Variants in ZDHHC11B observed in about 807,000 individuals in gnomAD.
ZDHHC11B encodes zDHHC palmitoyltransferase 11B (putative), also known as probable palmitoyltransferase ZDHHC11B.
ZDHHC11B carries 17 observed loss-of-function variants against 42.3 expected under a neutral mutation model. The ratio of observed to expected loss-of-function variants is 0.40; its 90% confidence interval spans 0.27 to 0.60. The LOEUF (loss-of-function observed/expected upper bound fraction) is 0.60, where lower values mean the gene tolerates loss of function less well. Ranked by LOEUF, ZDHHC11B falls within the 20% of genes least tolerant of loss-of-function variation. ZDHHC11B has a pLI of 0.41. For synonymous variants in ZDHHC11B, 123 were observed against 193.5 expected (o/e 0.64, Z 3.02); for missense variants, 262 against 463.2 (o/e 0.57, Z 3.99).
chr5:783,863 C>T (rs1431390334), intron 1 of ZDHHC11B, among the ~76,000 whole-genome samples: 2 of 140,230 alleles, frequency 1.4e-5, no homozygotes, highest in Non-Finnish European at 3.1e-5. Context: ...GCCCCCCAAG[C>T]CCCATCAAGA....
At chr5:763,041 G>A (rs1734822395) in intron 4 of ZDHHC11B, among the ~76,000 whole-genome samples, 1 of 151,802 alleles carries the variant, frequency 6.6e-6, no homozygotes, top group African/African-American at 2.4e-5. Context: ...CAAGAAATAT[G>A]ACAAATTACA....
chr5:758,768 T>C (rs1391125206), intron 4 of ZDHHC11B, among the ~76,000 whole-genome samples: 2 of 151,882 alleles, frequency 1.3e-5, no homozygotes, highest in Non-Finnish European at 2.9e-5. Flanking sequence ...AAGCAAATCT[T>C]TCACCGCACA....
At chr5:725,055 C>G (rs1286850182) in intron 12 of ZDHHC11B, among the ~76,000 whole-genome samples, 5 of 150,874 alleles carry the variant, frequency 3.3e-5, no homozygotes, top group Admixed American at 2.7e-4. Flanking sequence ...AGTCCTAACC[C>G]CAGCGTTGTG....
At chr5:765,958 A>C (rs1735266393) in intron 4 of ZDHHC11B, among the ~76,000 whole-genome samples, 1 of 151,906 alleles carries the variant, frequency 6.6e-6, no homozygotes, top group Non-Finnish European at 1.5e-5. Context: ...AACACATCCT[A>C]CTTTCAGAAA....
intron 1 of ZDHHC11B, among the ~76,000 whole-genome samples, chr5:777,708 AG>A (rs1736643656): frequency 6.6e-6 from 1 of 150,676 alleles, no homozygotes; most frequent in Non-Finnish European, 1.5e-5. Flanking sequence ...ACAAGCCTTT[AG>A]CTAGACATAA....
chr5:763,374 A>G (rs77876126), intron 4 of ZDHHC11B, among the ~76,000 whole-genome samples: 234 of 105,708 alleles, frequency 2.2e-3, no homozygotes, highest in South Asian at 0.012. Context: ...CCATCTCGGG[A>G]AAAAAAAAAA....
chr5:778,405 T>C lies in ZDHHC11B; in HGVS notation c.-230+6263A>G, dbSNP rs1405368141. 3.3e-5 allele frequency among the ~76,000 whole-genome samples: 5 copies of C among 150,336 alleles called. No individual in the cohort carries two copies. The East Asian group carries it at 7.9e-4, about 24-fold the overall frequency. On this transcript the variant is annotated intron_variant, in intron 1 of 13. Coordinates refer to ENST00000508859, the MANE Select transcript of ZDHHC11B (RefSeq NM_001351303.2). ...AGGTTAGAGGACACAGCCGCGGCTC[T>C]CAAGGGAGGCACAATGGGTTACAGG... is the stretch of plus-strand genomic sequence containing the variant.
At chr5:777,338 T>G (rs1173252014) in intron 1 of ZDHHC11B, among the ~76,000 whole-genome samples, 1 of 151,794 alleles carries the variant, frequency 6.6e-6, no homozygotes, top group Non-Finnish European at 1.5e-5. Flanking sequence ...TACTTACGCC[T>G]CTCAGAGACA....
At chr5:778,368 G>A (rs1335575614) in intron 1 of ZDHHC11B, among the ~76,000 whole-genome samples, 31 of 151,160 alleles carry the variant, frequency 2.1e-4, no homozygotes, top group Non-Finnish European at 2.7e-4. Context: ...GGACTCTCAC[G>A]CGGGGCACAC....
chr5:756,955 C>T (rs1248265660), intron 4 of ZDHHC11B, among the ~76,000 whole-genome samples: 9 of 151,706 alleles, frequency 5.9e-5, no homozygotes, highest in African/African-American at 2.2e-4. Flanking sequence ...CTGTCTTGGG[C>T]CCTCTGGGCT....
At chr5:760,090 G>T (rs1476177077) in intron 4 of ZDHHC11B, among the ~76,000 whole-genome samples, 9 of 151,728 alleles carry the variant, frequency 5.9e-5, no homozygotes, top group African/African-American at 2.2e-4. Flanking sequence ...AGCCACAGAG[G>T]GTTCACCTAC....
chr5:760,685 A>G (rs1334693572), intron 4 of ZDHHC11B, among the ~76,000 whole-genome samples: 2 of 151,834 alleles, frequency 1.3e-5, no homozygotes, highest in Non-Finnish European at 2.9e-5. Flanking sequence ...CTGCGGTGGA[A>G]TCGCAGATGC....
intron 4 of ZDHHC11B, among the ~76,000 whole-genome samples, chr5:760,234 C>T (rs1313097913): frequency 6.6e-6 from 1 of 151,872 alleles, no homozygotes; most frequent in Non-Finnish European, 1.5e-5. Context: ...CACATAGGTC[C>T]AAGCCCTAAC....
At chr5:776,958 G>T (rs139460862) in intron 1 of ZDHHC11B, among the ~76,000 whole-genome samples, 1,526 of 151,666 alleles carry the variant, frequency 0.01, 37 homozygotes, top group Middle Eastern at 0.024. Context: ...TGTCAGGCAG[G>T]CAGAGCTCCC....
At position 713,361 on chromosome 5, in the gene ZDHHC11B, T is replaced by C. The variant is rs956547373; in HGVS notation, c.*8-1079A>G. Among the ~76,000 whole-genome samples, 27 of 152,160 alleles carry C rather than the reference T, an allele frequency of 1.8e-4. 2 individuals carry two copies. The highest frequency in any genetic ancestry group is 6.5e-4 in the African/African-American group (27 of 41,508). On this transcript the variant is annotated intron_variant, in intron 13 of 13. Coordinates refer to ENST00000508859, the MANE Select transcript of ZDHHC11B (RefSeq NM_001351303.2). ...CTGCTTTGTAATTTAAAAAATAGTT[T>C]TCTGTTCTCTTCAGATATTTCTGAC...
intron 12 of ZDHHC11B, among the ~76,000 whole-genome samples, chr5:724,890 AC>A (rs1412468607): frequency 6.8e-6 from 1 of 146,894 alleles, no homozygotes; most frequent in Non-Finnish European, 1.5e-5. Flanking sequence ...TCTGCCCATC[AC>A]TCTGGTCTGC....
intron 1 of ZDHHC11B, among the ~76,000 whole-genome samples, chr5:773,874 G>A (rs1206881622): frequency 5.5e-4 from 84 of 151,802 alleles, no homozygotes; most frequent in Admixed American, 1.3e-4. Flanking sequence ...TGGTGCCTAC[G>A]GGCTCACCCA....
At chr5:784,323 G>A (rs1417498828) in intron 1 of ZDHHC11B, among the ~76,000 whole-genome samples, 2 of 152,100 alleles carry the variant, frequency 1.3e-5, no homozygotes, top group Admixed American at 6.5e-5. Context: ...AGGGTCTGGA[G>A]GGAAGGGCTG....
chr5:771,780 A>G lies in ZDHHC11B; in HGVS notation c.-229-2850T>C, dbSNP rs1168442981. Among the ~76,000 whole-genome samples, 12 of 149,884 alleles carry G rather than the reference A, an allele frequency of 8.0e-5. 1 individual carries two copies. Among genetic ancestry groups the G allele is most frequent in the African/African-American group, 2.7e-4 (11 of 40,940 alleles). On this transcript the variant is annotated intron_variant, in intron 1 of 13. Coordinates refer to ENST00000508859, the MANE Select transcript of ZDHHC11B (RefSeq NM_001351303.2). ...GGTCAGAGAGAAAGAACCTTCTGGGATGCTTCAAACTCAGGGCTGCGTTCT... is the reference window on the plus strand; with the variant it reads ...GGTCAGAGAGAAAGAACCTTCTGGGGTGCTTCAAACTCAGGGCTGCGTTCT...
Sources: allele counts gnomAD v4.1 joint callset (sites outside exome capture counted in the v4.1 genomes callset), GRCh38; gene constraint gnomAD v4.1.1; transcripts MANE v1.5; gene names NCBI Gene and HGNC (gene_info 2026-07-23, HGNC 2026-07-21).